The following EVL variants were observed in gnomAD, a reference collection of about 807,000 sequenced individuals.
EVL encodes Enah/Vasp-like, also known as ena/VASP-like protein.
A neutral mutation model predicts 59.6 loss-of-function variants in EVL; 21 were observed. The observed-to-expected ratio is 0.35, with a 90% CI of 0.25 to 0.51. The LOEUF is 0.51. Ranked by LOEUF, EVL falls within the 20% of genes least tolerant of loss-of-function variation. EVL has a pLI of 0.97. For synonymous variants in EVL, 198 were observed against 203.5 expected (o/e 0.97, Z 0.23); for missense variants, 462 against 546.6 (o/e 0.85, Z 1.54).
chr14:100,126,064 G>A (rs1047754916), intron 4 of EVL, among the ~76,000 whole-genome samples: 2 of 152,150 alleles, frequency 1.3e-5, no homozygotes, highest in Admixed American at 6.5e-5. Flanking sequence ...TCCAGAACTC[G>A]ATCCCTGGAT....
At chr14:100,026,122 A>T (rs905232204) in intron 1 of EVL, among the ~76,000 whole-genome samples, 5 of 151,778 alleles carry the variant, frequency 3.3e-5, no homozygotes, top group Non-Finnish European at 4.4e-5. Flanking sequence ...ATGGTGACAC[A>T]TGCCTGTGGT....
upstream of EVL, among the ~76,000 whole-genome samples, chr14:100,061,575 A>G (rs2061835554): frequency 6.6e-6 from 1 of 151,748 alleles, no homozygotes; most frequent in Non-Finnish European, 1.5e-5. Context: ...TCTTCAATAC[A>G]CGCACACACG....
chr14:100,099,985 A>G (rs1291327859), intron 3 of EVL, among the ~76,000 whole-genome samples: 3 of 105,350 alleles, frequency 2.8e-5, no homozygotes, highest in African/African-American at 7.7e-5. Context: ...TTACTTGTAC[A>G]TGCAGATACC....
intron 1 of EVL, among the ~76,000 whole-genome samples, chr14:100,046,057 G>T (rs193065407): frequency 8.5e-5 from 13 of 152,260 alleles, no homozygotes; most frequent in African/African-American, 2.9e-4. Flanking sequence ...AAAAAGTGTT[G>T]AAATTTCAAA....
chr14:100,119,464 A>G (rs534560246), intron 3 of EVL, among the ~76,000 whole-genome samples: 22 of 152,176 alleles, frequency 1.4e-4, no homozygotes, highest in Non-Finnish European at 3.2e-4. Flanking sequence ...CTCATCCCGT[A>G]TACTTCAGGG....
rs1291586050 is a variant in EVL, at chr14:100,109,227, CCTT to C, written c.358+11574_358+11576del. The stretch of plus-strand genomic sequence containing the variant: ...TTGTAACCCATCCACCTTCTCTTGT[CCTT>C]CTTCAGTCTGTCCTCCCTGGGCTGC... On this transcript the variant is annotated intron_variant, in intron 3 of 13. Transcript: ENST00000392920. The surrounding 1 kb of genome is among the most constrained non-coding windows in gnomAD (Gnocchi z 4.3). 6.6e-6 allele frequency among the ~76,000 whole-genome samples: 1 copy of C among 152,226 alleles called. No individual in the cohort carries two copies. The highest frequency in any genetic ancestry group is 2.4e-5 in the African/African-American group (1 of 41,460).
intron 1 of EVL, among the ~76,000 whole-genome samples, chr14:100,055,154 G>A (rs903671116): frequency 1.3e-5 from 2 of 149,958 alleles, no homozygotes; most frequent in Non-Finnish European, 1.5e-5. Context: ...AGCTGAGATC[G>A]CACCATTGCA....
chr14:100,006,274 G>A (rs1204520601), intron 1 of EVL, among the ~76,000 whole-genome samples: 6 of 150,306 alleles, frequency 4.0e-5, no homozygotes, highest in African/African-American at 1.5e-4. Context: ...AAACCAGCTG[G>A]TTGTTAATCT....
chr14:100,113,232 A>G (rs1188237596), intron 3 of EVL, among the ~76,000 whole-genome samples: 2 of 152,140 alleles, frequency 1.3e-5, no homozygotes, highest in Non-Finnish European at 2.9e-5. Flanking sequence ...GAGAAGAGAA[A>G]GGGGAGGCTG....
intron 1 of EVL, among the ~76,000 whole-genome samples, chr14:100,036,374 G>C (rs942720443): frequency 6.6e-6 from 1 of 151,968 alleles, no homozygotes; most frequent in Non-Finnish European, 1.5e-5. Flanking sequence ...CTTTTTTCTG[G>C]GATCAAGAGC....
chr14:100,036,628 A>G (rs1254551256), intron 1 of EVL, among the ~76,000 whole-genome samples: 1 of 152,212 alleles, frequency 6.6e-6, no homozygotes, highest in Admixed American at 6.5e-5. Context: ...AAAAATCCTG[A>G]ATAATGCAAA....
intron 3 of EVL, among the ~76,000 whole-genome samples, chr14:100,104,966 G>A (rs1886470756): frequency 6.8e-6 from 1 of 147,876 alleles, no homozygotes; most frequent in South Asian, 2.2e-4. Context: ...AGGAGAAGAA[G>A]GGATGGGAGC....
chr14:100,104,732 T>A lies in EVL; in HGVS notation c.358+7074T>A, dbSNP rs189399002. 9.1e-4 allele frequency among the ~76,000 whole-genome samples: 138 copies of A among 152,320 alleles called. 3 individuals carry two copies. The East Asian group carries it at 0.013, about 15-fold the overall frequency. Reference sequence around the variant, plus strand: ...TGGAACTATCAGAAGTCTGAGTGCCTATTTGAGAAAGAGTTTCCTTGGATG... The same window carrying A: ...TGGAACTATCAGAAGTCTGAGTGCCAATTTGAGAAAGAGTTTCCTTGGATG... On this transcript the variant is annotated intron_variant, in intron 3 of 13. Transcript: ENST00000392920.
chr14:100,118,967 G>A (rs1197939388), intron 3 of EVL, among the ~76,000 whole-genome samples: 1 of 152,240 alleles, frequency 6.6e-6, no homozygotes, highest in African/African-American at 2.4e-5. Context: ...AGGCCAGCCT[G>A]GACTTGAGCC....
chr14:100,027,199 T>C (rs2061228845), intron 1 of EVL, among the ~76,000 whole-genome samples: 1 of 152,240 alleles, frequency 6.6e-6, no homozygotes, highest in Non-Finnish European at 1.5e-5. Flanking sequence ...AATGATCAAA[T>C]CAGGGTAACT....
intron 1 of EVL, among the ~76,000 whole-genome samples, chr14:100,070,330 C>T (rs571620805): frequency 3.9e-5 from 6 of 152,270 alleles, no homozygotes; most frequent in African/African-American, 1.2e-4. Flanking sequence ...TGTCACTTGA[C>T]GGAGCTTTTG....
Position 100,097,579 on chromosome 14 carries a change from C to G in EVL, c.279C>G (p.Asn93Lys). Residue 93 changes from asparagine to lysine, a missense_variant, in exon 3 of 14, where the codon AAC becomes AAG. Coordinates refer to ENST00000392920, the MANE Select transcript of EVL (RefSeq NM_016337.3). ...WRDARQVYGL[N>K]FASKEEATTF... ...ATGCCCGCCAGGTCTACGGCTTAAA[C>G]TTTGCAAGTAAAGAAGAGGCAACCA... The G allele has an allele frequency of 6.2e-7, 1 of 1,614,216 alleles. No homozygotes were observed. Among genetic ancestry groups the G allele is most frequent in the Admixed American group, 1.7e-5 (1 of 60,028 alleles).
intron 1 of EVL, among the ~76,000 whole-genome samples, chr14:100,083,258 C>T (rs2062352317): frequency 6.6e-6 from 1 of 152,136 alleles, no homozygotes; most frequent in Non-Finnish European, 1.5e-5. Flanking sequence ...ACTGAGTGTA[C>T]CAGAAGCAGT....
intron 1 of EVL, among the ~76,000 whole-genome samples, chr14:100,045,052 C>T (rs965055416): frequency 3.9e-5 from 6 of 152,180 alleles, no homozygotes; most frequent in African/African-American, 1.2e-4. Flanking sequence ...TGTTGTTGAA[C>T]GCTGCCAGAG....
Sources: allele counts gnomAD v4.1 joint callset (sites outside exome capture counted in the v4.1 genomes callset), GRCh38; gene constraint gnomAD v4.1.1; non-coding constraint Gnocchi (gnomAD v3.1); transcripts MANE v1.5; gene names NCBI Gene and HGNC (gene_info 2026-07-23, HGNC 2026-07-21).